Variants in LRP1B observed in about 807,000 individuals in gnomAD.
LRP1B encodes LDL receptor related protein 1B.
LRP1B carries 217 observed loss-of-function variants against 556.6 expected under a neutral mutation model. That is an observed-to-expected ratio of 0.39 (90% confidence interval 0.35 to 0.44). LRP1B has a LOEUF of 0.44. Among genes scored for constraint, LRP1B ranks in the 20% least tolerant of loss-of-function variants. The probability of loss-of-function intolerance (pLI) is 1.00; values close to 1 mark genes in which losing one functional copy is unlikely to be tolerated. For synonymous variants in LRP1B, 2,047 were observed against 1,865.8 expected (o/e 1.10, Z -2.50); for missense variants, 5,053 against 5,620.8 (o/e 0.90, Z 3.23).
rs1275965423 is a variant in LRP1B at position 141,896,786 on chromosome 2, T to C, written c.83-86385A>G. ...ATGTCTAGATCAGTTTTGAAAATGC[T>C]GATTTAAAACACCATTGTGTGTGAA... On this transcript the variant is annotated intron_variant, in intron 1 of 90. Coordinates refer to ENST00000389484, the MANE Select transcript of LRP1B (RefSeq NM_018557.3). Among the ~76,000 whole-genome samples, 4 of 152,224 alleles carry C rather than the reference T, an allele frequency of 2.6e-5. No homozygotes were observed. In the East Asian group the frequency reaches 7.7e-4, roughly 29 times the overall value.
intron 3 of LRP1B, among the ~76,000 whole-genome samples, chr2:141,381,862 C>T (rs1689655258): frequency 6.6e-6 from 1 of 152,178 alleles, no homozygotes; most frequent in African/African-American, 2.4e-5. Context: ...TGCTTATATC[C>T]TTCCAAAACA....
chr2:140,974,669 G>GT (rs1277547888), intron 18 of LRP1B, among the ~76,000 whole-genome samples: 3 of 152,184 alleles, frequency 2.0e-5, no homozygotes, highest in Non-Finnish European at 4.4e-5. Flanking sequence ...ACAAAAGCAT[G>GT]TAATAGTGAG....
At chr2:141,732,474 G>C (rs901269100) in intron 2 of LRP1B, among the ~76,000 whole-genome samples, 2 of 152,018 alleles carry the variant, frequency 1.3e-5, no homozygotes, top group African/African-American at 4.8e-5. Flanking sequence ...TCAAAAGTCT[G>C]GTTTCACCAA....
chr2:140,744,918 G>C (rs1241712965), intron 35 of LRP1B, among the ~76,000 whole-genome samples: 2 of 152,118 alleles, frequency 1.3e-5, no homozygotes, highest in African/African-American at 2.4e-5. Flanking sequence ...TTGACATACA[G>C]TAGGTGCTCA....
chr2:141,880,012 C>A (rs114799579), intron 1 of LRP1B, among the ~76,000 whole-genome samples: 1 of 150,690 alleles, frequency 6.6e-6, no homozygotes, highest in Middle Eastern at 3.4e-3. Flanking sequence ...AAATTCTATA[C>A]CCTCCCATAC....
intron 1 of LRP1B, among the ~76,000 whole-genome samples, chr2:142,121,986 T>C (rs1370469493): frequency 6.6e-6 from 1 of 152,150 alleles, no homozygotes; most frequent in African/African-American, 2.4e-5. Flanking sequence ...GCAATTAATA[T>C]AATTAATAAA....
chr2:141,556,751 G>A (rs961743931), intron 2 of LRP1B, among the ~76,000 whole-genome samples: 3 of 151,766 alleles, frequency 2.0e-5, no homozygotes, highest in African/African-American at 7.3e-5. Context: ...CTGAATATAC[G>A]GAGGCTCATT....
chr2:142,103,883 C>T (rs751385964), intron 1 of LRP1B, among the ~76,000 whole-genome samples: 3 of 152,044 alleles, frequency 2.0e-5, no homozygotes, highest in South Asian at 2.1e-4. Flanking sequence ...TGTGCCAATC[C>T]AGGATTCATT....
At chr2:141,740,958 C>G (rs982273868) in intron 2 of LRP1B, among the ~76,000 whole-genome samples, 1 of 152,288 alleles carries the variant, frequency 6.6e-6, no homozygotes, top group Non-Finnish European at 1.5e-5. Context: ...CTTCTACTTT[C>G]TACCTCCGTG....
intron 7 of LRP1B, among the ~76,000 whole-genome samples, chr2:141,163,507 C>T (rs1680119949): frequency 6.6e-6 from 1 of 151,986 alleles, no homozygotes; most frequent in African/African-American, 2.4e-5. Flanking sequence ...TGGTCTGGTA[C>T]TGATAGGGTT....
intron 1 of LRP1B, among the ~76,000 whole-genome samples, chr2:142,064,851 G>A (rs1405926273): frequency 6.6e-6 from 1 of 151,516 alleles, no homozygotes; most frequent in Non-Finnish European, 1.5e-5. Flanking sequence ...AAGAAAGGTT[G>A]GCATAAGGGC....
chr2:140,803,775 ATC>A (rs1259236549), intron 32 of LRP1B, among the ~76,000 whole-genome samples: 1 of 152,130 alleles, frequency 6.6e-6, no homozygotes, highest in Non-Finnish European at 1.5e-5. Flanking sequence ...ACATTTCAGA[ATC>A]TGATTGACTC....
intron 14 of LRP1B, among the ~76,000 whole-genome samples, chr2:141,008,741 A>T (rs1317422913): frequency 1.3e-5 from 2 of 152,002 alleles, no homozygotes; most frequent in East Asian, 1.9e-4. Flanking sequence ...CCCAGCATAG[A>T]GTGTGTTTGA....
At chr2:141,956,095 T>C (rs1558985179) in intron 1 of LRP1B, among the ~76,000 whole-genome samples, 1 of 152,034 alleles carries the variant, frequency 6.6e-6, no homozygotes, top group Non-Finnish European at 1.5e-5. Context: ...TATCTGTTTC[T>C]AGCTGGGATA....
At chr2:142,045,081 G>A (rs557495264) in intron 1 of LRP1B, among the ~76,000 whole-genome samples, 6 of 150,206 alleles carry the variant, frequency 4.0e-5, no homozygotes, top group African/African-American at 1.5e-4. Context: ...TAATTTTCAT[G>A]AATACTGACC....
At chr2:141,980,142 C>T (rs948755299) in intron 1 of LRP1B, among the ~76,000 whole-genome samples, 6 of 152,072 alleles carry the variant, frequency 3.9e-5, no homozygotes, top group Non-Finnish European at 7.4e-5. Flanking sequence ...AGCTGAACTG[C>T]TTACTCTTGA....
At chr2:142,103,392 G>C (rs868763787) in intron 1 of LRP1B, among the ~76,000 whole-genome samples, 51 of 151,830 alleles carry the variant, frequency 3.4e-4, no homozygotes, top group African/African-American at 1.2e-3. Flanking sequence ...GAATATAAAA[G>C]CTACTGTTTA....
At chr2:141,237,394 C>T (rs1269335814) in intron 5 of LRP1B, among the ~76,000 whole-genome samples, 1 of 143,468 alleles carries the variant, frequency 7.0e-6, no homozygotes, top group Non-Finnish European at 1.5e-5. Context: ...TATATAGAGA[C>T]GGGGTCTCAC....
intron 3 of LRP1B, among the ~76,000 whole-genome samples, chr2:141,415,768 T>C (rs981744624): frequency 3.9e-5 from 6 of 152,138 alleles, no homozygotes; most frequent in Admixed American, 2.0e-4. Flanking sequence ...AATAATTATC[T>C]CCCCTCAATC....
Sources: allele counts gnomAD v4.1 joint callset (sites outside exome capture counted in the v4.1 genomes callset), GRCh38; gene constraint gnomAD v4.1.1; transcripts MANE v1.5; gene names NCBI Gene and HGNC (gene_info 2026-07-23, HGNC 2026-07-21).